Variants in RXRG observed in about 807,000 individuals in gnomAD.
The protein encoded by RXRG is retinoic acid receptor RXR-gamma.
A neutral mutation model predicts 49.2 loss-of-function variants in RXRG; 19 were observed. That is an observed-to-expected ratio of 0.39 (90% confidence interval 0.27 to 0.57). The LOEUF (loss-of-function observed/expected upper bound fraction) is 0.57. Among genes scored for constraint, RXRG ranks in the 20% least tolerant of loss-of-function variants. The pLI, the probability that RXRG is intolerant of heterozygous loss-of-function variation, is 0.64. For missense variants in RXRG, 452 were observed against 592.5 expected (o/e 0.76, Z 2.46); for synonymous variants, 224 against 216.6 (o/e 1.03, Z -0.30).
chr1:165,407,228 T>G (rs545009242), intron 8 of RXRG, among the ~76,000 whole-genome samples: 12 of 152,280 alleles, frequency 7.9e-5, no homozygotes, highest in Non-Finnish European at 1.8e-4. Flanking sequence ...GAGTGCCTAT[T>G]ATGTGCTGAG....
chr1:165,409,995 G>T (rs938804751), intron 6 of RXRG, among the ~76,000 whole-genome samples: 2 of 152,034 alleles, frequency 1.3e-5, no homozygotes, highest in African/African-American at 4.8e-5. Flanking sequence ...ACATTTAGCG[G>T]ATAATAGTCA....
At chr1:165,421,495 A>G in intron 2 of RXRG, among the ~76,000 whole-genome samples, 1 of 150,218 alleles carries the variant, frequency 6.7e-6, no homozygotes, top group East Asian at 1.9e-4. Flanking sequence ...TTATGATTCC[A>G]TGAGTCTGAG....
chr1:165,428,332 C>T (rs1335206096), intron 2 of RXRG, among the ~76,000 whole-genome samples: 3 of 152,204 alleles, frequency 2.0e-5, no homozygotes, highest in South Asian at 2.1e-4. Flanking sequence ...ATGGCCATTT[C>T]CTGATCATTT....
chr1:165,410,605 G>A lies in RXRG; in HGVS notation c.913+97C>T, dbSNP rs542207322. ...TATTTCATCATCAGCATGGTACATAGCTTGGACATGTTGCAGCTCCATCAG... is the reference window on the plus strand; with the variant it reads ...TATTTCATCATCAGCATGGTACATAACTTGGACATGTTGCAGCTCCATCAG... On this transcript the variant is annotated intron_variant, in intron 6 of 9. Coordinates refer to ENST00000359842, the MANE Select transcript of RXRG (RefSeq NM_006917.5). 2.6e-4 allele frequency: 357 copies of A among 1,373,794 alleles called. 1 individual carries two copies. The Middle Eastern group carries it at 2.7e-3, about 11-fold the overall frequency. 85.1% of individuals were successfully genotyped at this position (1,373,794 alleles called of 1,614,324 possible).
At chr1:165,424,751 G>A (rs1658428027) in intron 2 of RXRG, 19 of 984,758 alleles carry the variant, frequency 1.9e-5, no homozygotes, top group South Asian at 9.4e-5. Context: ...TTGTACTTAC[G>A]CGAGAACCAG....
At chr1:165,434,526 T>C (rs1163151263) in intron 1 of RXRG, among the ~76,000 whole-genome samples, 6 of 152,156 alleles carry the variant, frequency 3.9e-5, no homozygotes, top group Non-Finnish European at 8.8e-5. Context: ...GAGAGTTTGC[T>C]CTCCCATTAG....
chr1:165,419,801 T>C (rs1658248055), intron 3 of RXRG, 69 bp downstream of exon 3: 4 of 1,377,482 alleles, frequency 2.9e-6, no homozygotes, highest in Non-Finnish European at 3.9e-6. Context: ...GAGTACAAAG[T>C]ATCCAGGCAG....
chr1:165,417,288 C>A, intron 3 of RXRG, 68 bp from the exon 4 acceptor site: 1 of 1,434,586 alleles, frequency 7.0e-7, no homozygotes, highest in Admixed American at 2.1e-5. Flanking sequence ...TTCAAAAGAA[C>A]CTCTTGGCTC....
At chr1:165,440,424 A>C (rs573956826) in intron 1 of RXRG, among the ~76,000 whole-genome samples, 2 of 151,692 alleles carry the variant, frequency 1.3e-5, no homozygotes, top group Non-Finnish European at 2.9e-5. Context: ...ATTTTTTTTT[A>C]TTTTGGAATA....
At chr1:165,443,498 C>A (rs1461050083) in intron 1 of RXRG, among the ~76,000 whole-genome samples, 1 of 152,136 alleles carries the variant, frequency 6.6e-6, no homozygotes, top group African/African-American at 2.4e-5. Flanking sequence ...AACATCACCT[C>A]GGGAACATTT....
chr1:165,426,367 A>G (rs1265136223), intron 2 of RXRG, among the ~76,000 whole-genome samples: 2 of 152,186 alleles, frequency 1.3e-5, no homozygotes, highest in Non-Finnish European at 2.9e-5. Flanking sequence ...AGCTCTCCAC[A>G]GTCCACACCT....
intron 9 of RXRG, among the ~76,000 whole-genome samples, chr1:165,405,926 A>T (rs946678864): frequency 1.3e-5 from 2 of 152,228 alleles, no homozygotes; most frequent in African/African-American, 4.8e-5. Flanking sequence ...TAAACAGCTA[A>T]GTAGATATTA....
chr1:165,445,040 C>T lies in RXRG; in HGVS notation c.-147G>A, dbSNP rs977010216. On this transcript the variant is annotated 5_prime_UTR_variant, in exon 1 of 10. Transcript: ENST00000359842. ...GCAGCCCGGGGAGCACAGGCTGGGC[C>T]AGCCCTCTGGGATTAGTCAGGAATC... 1.4e-6 allele frequency: 1 copy of T among 703,444 alleles called. No homozygotes were observed. The highest frequency in any genetic ancestry group is 1.8e-5 in the African/African-American group (1 of 57,138). 43.6% of individuals were successfully genotyped at this position (703,444 alleles called of 1,614,324 possible). A position where few individuals can be genotyped will look rare whatever the true frequency, so the allele number is the denominator to read the frequency against.
At chr1:165,402,866 A>G (rs1031462304) in intron 9 of RXRG, among the ~76,000 whole-genome samples, 1 of 152,102 alleles carries the variant, frequency 6.6e-6, no homozygotes, top group African/African-American at 2.4e-5. Context: ...CACAATACAC[A>G]TACTCACACA....
intron 4 of RXRG, among the ~76,000 whole-genome samples, chr1:165,412,961 C>A (rs1336273031): frequency 6.6e-6 from 1 of 152,164 alleles, no homozygotes; most frequent in Non-Finnish European, 1.5e-5. Context: ...TGAGGGAAAG[C>A]AAACTAAGTT....
At chr1:165,433,679 C>T (rs1658742458) in intron 1 of RXRG, among the ~76,000 whole-genome samples, 1 of 152,216 alleles carries the variant, frequency 6.6e-6, no homozygotes, top group African/African-American at 2.4e-5. Flanking sequence ...AGATCCCTTC[C>T]AGCACTAATG....
intron 1 of RXRG, among the ~76,000 whole-genome samples, chr1:165,437,789 T>C (rs1658861351): frequency 6.6e-6 from 1 of 152,208 alleles, no homozygotes; most frequent in South Asian, 2.1e-4. Context: ...AGCCAGCCGG[T>C]CCTCGTTAGC....
chr1:165,413,711 C>T (rs1417543689), intron 4 of RXRG, among the ~76,000 whole-genome samples: 4 of 152,174 alleles, frequency 2.6e-5, no homozygotes, highest in African/African-American at 7.2e-5. Context: ...TCCAGAATTC[C>T]TGAGGTGGCC....
At chr1:165,437,385 T>C (rs1460902923) in intron 1 of RXRG, among the ~76,000 whole-genome samples, 1 of 152,222 alleles carries the variant, frequency 6.6e-6, no homozygotes, top group African/African-American at 2.4e-5. Flanking sequence ...CTGCACATTT[T>C]TCTTAGGGCT....
Sources: gnomAD v4.1 joint callset for allele counts (sites outside exome capture counted in the v4.1 genomes callset) on GRCh38, gnomAD v4.1.1 for gene constraint, MANE v1.5 for transcripts, NCBI Gene and HGNC (gene_info 2026-07-23, HGNC 2026-07-21) for gene names.